The following LCORL variants were observed in gnomAD, a reference collection of about 807,000 sequenced individuals.
LCORL encodes ligand dependent nuclear receptor corepressor like, also known as ligand-dependent nuclear receptor corepressor-like protein.
In LCORL, 41 loss-of-function variants were observed where a neutral mutation model predicts 141.8. The ratio of observed to expected loss-of-function variants is 0.29; its 90% CI spans 0.23 to 0.38. The LOEUF (loss-of-function observed/expected upper bound fraction) is 0.38. Ranked by LOEUF, LCORL falls within the 10% of genes least tolerant of loss-of-function variation. The pLI is 1.00. For synonymous variants in LCORL, 618 were observed against 694.1 expected (o/e 0.89, Z 1.72); for missense variants, 1,759 against 2,035.0 (o/e 0.86, Z 2.61).
chr4:17,896,341 TG>T (rs1729923318), intron 5 of LCORL, among the ~76,000 whole-genome samples: 1 of 152,094 alleles, frequency 6.6e-6, no homozygotes, highest in African/African-American at 2.4e-5. Flanking sequence ...TGGAGTGCAA[TG>T]GCACAATCTC....
rs1230852886 is a variant in LCORL, at chr4:17,867,219, G to A, written c.5602+6169C>T. Among the ~76,000 whole-genome samples, 4 of 151,904 alleles carry A rather than the reference G, an allele frequency of 2.6e-5. No homozygotes were observed. The East Asian group carries it at 5.8e-4, about 22-fold the overall frequency. ...AAGAAGTGGATGGGGTGTTGGGGAC[G>A]AACAAGATAGGATGACCTTAATATA... On this transcript the variant is annotated intron_variant, in intron 7 of 7. Coordinates refer to ENST00000635767, the Ensembl canonical transcript of LCORL.
intron 5 of LCORL, among the ~76,000 whole-genome samples, chr4:17,900,527 T>A (rs1330531932): frequency 2.0e-5 from 3 of 152,220 alleles, no homozygotes; most frequent in African/African-American, 7.2e-5. Context: ...AAATAACCTC[T>A]CAGTCACTTT....
At chr4:17,916,996 C>T (rs540029545) in intron 4 of LCORL, among the ~76,000 whole-genome samples, 145 of 150,584 alleles carry the variant, frequency 9.6e-4, no homozygotes, top group African/African-American at 2.6e-3. Context: ...TTTCTTTTCT[C>T]GAGACAGTCT....
At chr4:17,936,465 G>T (rs1340609016) in intron 4 of LCORL, among the ~76,000 whole-genome samples, 1 of 151,744 alleles carries the variant, frequency 6.6e-6, no homozygotes, top group Non-Finnish European at 1.5e-5. Flanking sequence ...CCATCTTCCA[G>T]ATCAGTATTT....
At chr4:17,901,656 A>G (rs971746287) in intron 5 of LCORL, among the ~76,000 whole-genome samples, 13 of 152,148 alleles carry the variant, frequency 8.5e-5, no homozygotes, top group African/African-American at 3.1e-4. Context: ...TAAATTTTTT[A>G]TATTAACTAT....
At chr4:17,911,881 G>T (rs529563759) in intron 4 of LCORL, 3 of 480,938 alleles carry the variant, frequency 6.2e-6, no homozygotes, top group Non-Finnish European at 1.2e-5. Context: ...GATGGCCGGG[G>T]GTCTGGCAGG....
At chr4:17,981,102 T>A (rs562788233) in intron 1 of LCORL, among the ~76,000 whole-genome samples, 1 of 152,280 alleles carries the variant, frequency 6.6e-6, no homozygotes, top group East Asian at 1.9e-4. Context: ...GTTACCCATT[T>A]CCCTACTGAA....
chr4:17,864,247 C>T (rs1265933739), intron 7 of LCORL, among the ~76,000 whole-genome samples: 1 of 151,814 alleles, frequency 6.6e-6, no homozygotes, highest in Non-Finnish European at 1.5e-5. Context: ...TTTTTTAAAA[C>T]AGTGTCTCAT....
intron 1 of LCORL, among the ~76,000 whole-genome samples, chr4:18,019,988 C>G (rs1725229157): frequency 6.6e-6 from 1 of 152,106 alleles, no homozygotes; most frequent in Non-Finnish European, 1.5e-5. Flanking sequence ...ACTAAAATCA[C>G]TTACGAATAC....
chr4:17,938,252 C>A (rs963809518), intron 4 of LCORL, among the ~76,000 whole-genome samples: 15 of 152,060 alleles, frequency 9.9e-5, no homozygotes, highest in South Asian at 4.2e-4. Context: ...GGTGATCCTC[C>A]TGCCTGGGCC....
At chr4:17,959,511 G>A (rs1314383463) in intron 4 of LCORL, among the ~76,000 whole-genome samples, 1 of 151,914 alleles carries the variant, frequency 6.6e-6, no homozygotes, top group African/African-American at 2.4e-5. Context: ...ATGAGATAGA[G>A]CATAAAAAAG....
At chr4:17,932,074 T>C (rs941121705) in intron 4 of LCORL, among the ~76,000 whole-genome samples, 5 of 152,188 alleles carry the variant, frequency 3.3e-5, no homozygotes, top group African/African-American at 1.2e-4. Flanking sequence ...TGGGTAACAT[T>C]AGAATTAATC....
chr4:17,866,564 T>C (rs936711379), intron 7 of LCORL, among the ~76,000 whole-genome samples: 1 of 151,510 alleles, frequency 6.6e-6, no homozygotes, highest in Admixed American at 6.6e-5. Flanking sequence ...AAGTAGCAAA[T>C]AAATGCATTT....
chr4:17,907,222 T>A (rs1403284587), intron 5 of LCORL, among the ~76,000 whole-genome samples: 3 of 152,210 alleles, frequency 2.0e-5, no homozygotes, highest in Non-Finnish European at 4.4e-5. Flanking sequence ...TAGATCACTA[T>A]CACGTTACTT....
At chr4:17,939,187 A>T (rs1227287158) in intron 4 of LCORL, among the ~76,000 whole-genome samples, 2 of 152,244 alleles carry the variant, frequency 1.3e-5, no homozygotes, top group Non-Finnish European at 1.5e-5. Flanking sequence ...TGTGCACAAC[A>T]TCATTAGTCA....
chr4:17,907,588 C>G (rs1440196458), intron 5 of LCORL, among the ~76,000 whole-genome samples: 1 of 152,122 alleles, frequency 6.6e-6, no homozygotes, highest in East Asian at 1.9e-4. Context: ...TTCCGAGTTC[C>G]AAAATTCTAA....
At chr4:17,958,736 T>C (rs1327865897) in intron 4 of LCORL, among the ~76,000 whole-genome samples, 2 of 151,974 alleles carry the variant, frequency 1.3e-5, no homozygotes, top group Admixed American at 6.6e-5. Context: ...CTGAAAGATA[T>C]CTATCTAGGT....
chr4:17,896,243 ATGTC>A (rs766257568), intron 5 of LCORL, among the ~76,000 whole-genome samples: 1 of 151,964 alleles, frequency 6.6e-6, no homozygotes, highest in African/African-American at 2.4e-5. Context: ...ATGTGAAACA[ATGTC>A]TTTCTTTCTT....
chr4:17,938,253 T>C (rs1012208908), intron 4 of LCORL, among the ~76,000 whole-genome samples: 15 of 151,752 alleles, frequency 9.9e-5, no homozygotes, highest in South Asian at 4.2e-4. Flanking sequence ...GTGATCCTCC[T>C]GCCTGGGCCT....
Sources: allele counts gnomAD v4.1 joint callset (sites outside exome capture counted in the v4.1 genomes callset), GRCh38; gene constraint gnomAD v4.1.1; transcripts MANE v1.5; gene names NCBI Gene and HGNC (gene_info 2026-07-23, HGNC 2026-07-21).